The following ANK2 variants were observed in gnomAD, a reference collection of about 807,000 sequenced individuals.
ANK2 encodes the protein ankyrin-2.
A neutral mutation model predicts 360.5 loss-of-function variants in ANK2; 83 were observed. That is an observed-to-expected ratio of 0.23 (90% CI 0.19 to 0.28). The LOEUF (loss-of-function observed/expected upper bound fraction) is 0.28. ANK2 is among the 10% of genes least tolerant of loss of function. ANK2 has a pLI of 1.00. For synonymous variants in ANK2, 1,740 were observed against 1,759.5 expected (o/e 0.99, Z 0.28); for missense variants, 4,201 against 4,795.7 (o/e 0.88, Z 3.66).
the ANK2 span, among the ~76,000 whole-genome samples, chr4:112,812,480 A>C: frequency 4.6e-5 from 7 of 152,208 alleles, no homozygotes; most frequent in African/African-American, 1.7e-4. Context: ...GAAAAGCAAC[A>C]TAAGAGGCAC....
chr4:113,048,601 T>C (rs72898418), upstream of ANK2, among the ~76,000 whole-genome samples: 50 of 151,822 alleles, frequency 3.3e-4, no homozygotes, highest in African/African-American at 1.2e-3. Context: ...AATATACAAG[T>C]ATGGCCACCT....
At chr4:112,883,161 C>T (rs892847714) in intron 1 of ANK2, among the ~76,000 whole-genome samples, 1 of 150,456 alleles carries the variant, frequency 6.6e-6, no homozygotes, top group African/African-American at 2.4e-5. Context: ...GCCTCAGCCT[C>T]CTGAGTAGCT....
intron 1 of ANK2, among the ~76,000 whole-genome samples, chr4:112,890,556 G>GTTTTTTTTTTTTTT (rs754680934): frequency 8.9e-5 from 6 of 67,456 alleles, no homozygotes; most frequent in Admixed American, 4.3e-4. Flanking sequence ...CATTTCTGTG[G>GTTTTTTTTTTTTTT]TTTTTTTTTT....
At chr4:113,352,720 C>T (rs1475777603) in intron 37 of ANK2, among the ~76,000 whole-genome samples, 1 of 149,982 alleles carries the variant, frequency 6.7e-6, no homozygotes, top group Non-Finnish European at 1.5e-5. Flanking sequence ...TCACTGCGTT[C>T]TTTGTTTTGA....
chr4:112,833,994 A>T (rs2060443710), intron 1 of ANK2, among the ~76,000 whole-genome samples: 1 of 152,230 alleles, frequency 6.6e-6, no homozygotes, highest in Non-Finnish European at 1.5e-5. Flanking sequence ...TTAAAACACA[A>T]ATTGTAACAT....
At chr4:113,006,317 G>T (rs1195291524) in intron 2 of ANK2, among the ~76,000 whole-genome samples, 1 of 152,036 alleles carries the variant, frequency 6.6e-6, no homozygotes, top group South Asian at 2.1e-4. Context: ...GGAGGGAAAA[G>T]CTCCCACATT....
rs1053922848 is a variant in ANK2, at chr4:113,363,237, C to T, written c.10757-101C>T. On this transcript the variant is annotated intron_variant, in intron 39 of 45. Transcript: ENST00000357077. ...AGAAATTAAGGAACTCAAATACTCA[C>T]CACAATATAAAGAACACATCATTTA... 3.3e-6 allele frequency: 4 copies of T among 1,207,950 alleles called. No individual in the cohort carries two copies. The African/African-American group carries it at 6.0e-5, about 18-fold the overall frequency. The allele number at this position is 1,207,950 out of a possible 1,614,324, so 74.8% of individuals were successfully genotyped here.
intron 2 of ANK2, among the ~76,000 whole-genome samples, chr4:112,969,708 C>A (rs1457483240): frequency 6.6e-6 from 1 of 152,206 alleles, no homozygotes; most frequent in African/African-American, 2.4e-5. Flanking sequence ...AATATTCATT[C>A]TTACATCTAA....
chr4:113,255,623 T>C lies in ANK2; in HGVS notation c.991-112T>C, dbSNP rs554510052. On this transcript the variant is annotated intron_variant, in intron 10 of 45. Transcript: ENST00000357077. Reference sequence around the variant, plus strand: ...TTCTGATGTCAAATGGAAATTATTTTTTCCCCTGCCACTAACTGTGTTAGA... The same window carrying C: ...TTCTGATGTCAAATGGAAATTATTTCTTCCCCTGCCACTAACTGTGTTAGA... 3 of 1,071,094 alleles carry C rather than the reference T, an allele frequency of 2.8e-6. No homozygotes were observed. The African/African-American group carries it at 4.7e-5, about 17-fold the overall frequency. The allele number at this position is 1,071,094 out of a possible 1,614,324, so 66.3% of individuals were successfully genotyped here.
At chr4:113,344,199 T>G (rs1352751494) in intron 34 of ANK2, among the ~76,000 whole-genome samples, 4 of 152,262 alleles carry the variant, frequency 2.6e-5, no homozygotes, top group Non-Finnish European at 5.9e-5. Context: ...GTGTGCAGAA[T>G]CATTCTACAA....
At chr4:113,080,241 C>A (rs2081859617) in intron 1 of ANK2, among the ~76,000 whole-genome samples, 1 of 152,088 alleles carries the variant, frequency 6.6e-6, no homozygotes, top group Non-Finnish European at 1.5e-5. Context: ...GGATGCAGTT[C>A]TTAGTAACCA....
the ANK2 span, among the ~76,000 whole-genome samples, chr4:112,732,587 A>G: frequency 2.0e-5 from 3 of 152,152 alleles, no homozygotes; most frequent in Non-Finnish European, 4.4e-5. Context: ...GTTCATGGTC[A>G]TAAACTCTTT....
intron 23 of ANK2, among the ~76,000 whole-genome samples, chr4:113,304,377 A>G (rs2076296830): frequency 6.6e-6 from 1 of 152,198 alleles, no homozygotes; most frequent in African/African-American, 2.4e-5. Context: ...CCTAATACTA[A>G]TCTGTTTCTT....
At chr4:112,873,130 A>G (rs969412272) in intron 1 of ANK2, among the ~76,000 whole-genome samples, 2 of 152,106 alleles carry the variant, frequency 1.3e-5, no homozygotes, top group African/African-American at 4.8e-5. Flanking sequence ...TTGATCTAAA[A>G]TAAAATTTTG....
intron 1 of ANK2, among the ~76,000 whole-genome samples, chr4:113,088,384 C>T (rs1488509185): frequency 1.3e-5 from 2 of 152,140 alleles, no homozygotes; most frequent in Non-Finnish European, 2.9e-5. Context: ...TTAGAATATA[C>T]ATGTCTATGC....
At chr4:112,765,049 CT>C in the ANK2 span, among the ~76,000 whole-genome samples, 1 of 152,172 alleles carries the variant, frequency 6.6e-6, no homozygotes, top group African/African-American at 2.4e-5. Context: ...TTAACTCAAT[CT>C]TCTCAACAAT....
In ANK2 at chr4:113,353,988, A is replaced by G; in HGVS notation, c.5370A>G (p.Arg1790=). The G allele has an allele frequency of 6.2e-7, 1 of 1,614,114 alleles. No individual in the cohort carries two copies. The highest frequency in any genetic ancestry group is 8.5e-7 in the Non-Finnish European group (1 of 1,179,992). ...EQKGRSKLPI[R]VKGKEDVPKK... ...AAGGTCGAAGCAAGTTGCCCATCAG[A>G]GTCAAAGGCAAGGAGGACGTGCCAA... Residue 1790 remains arginine (R), a synonymous_variant, in exon 38 of 46, where the codon AGA becomes AGG. Coordinates refer to ENST00000357077, the MANE Select transcript of ANK2 (RefSeq NM_001148.6).
At chr4:113,142,391 A>G (rs946540926) in intron 1 of ANK2, among the ~76,000 whole-genome samples, 10 of 152,230 alleles carry the variant, frequency 6.6e-5, no homozygotes, top group African/African-American at 2.4e-4. Flanking sequence ...ATTAGAAAGT[A>G]TCTGATCGTC....
the ANK2 span, among the ~76,000 whole-genome samples, chr4:112,804,502 G>A: frequency 6.6e-6 from 1 of 152,108 alleles, no homozygotes; most frequent in African/African-American, 2.4e-5. Context: ...AGAGTGATGA[G>A]CATTTGCATA....
Sources: allele counts gnomAD v4.1 joint callset (sites outside exome capture counted in the v4.1 genomes callset), GRCh38; gene constraint gnomAD v4.1.1; transcripts MANE v1.5; gene names NCBI Gene and HGNC (gene_info 2026-07-23, HGNC 2026-07-21).